Variants in DACH2 observed in about 807,000 individuals in gnomAD.
The protein encoded by DACH2 is dachshund family transcription factor 2.
In DACH2, 17 loss-of-function variants were observed where a neutral mutation model predicts 35.8. The observed-to-expected ratio is 0.48, with a 90% CI of 0.33 to 0.71. The LOEUF (loss-of-function observed/expected upper bound fraction) is 0.71. Ranked by LOEUF, DACH2 falls within the 30% of genes least tolerant of loss-of-function variation. The pLI is 0.02. For missense variants in DACH2, 469 were observed against 472.7 expected (o/e 0.99, Z 0.07); for synonymous variants, 195 against 177.3 (o/e 1.10, Z -0.79).
chrX:86,519,821 T>G (rs2038525963), intron 3 of DACH2, among the ~76,000 whole-genome samples: 1 of 110,886 alleles, frequency 9.0e-6, no homozygotes. Flanking sequence ...GCCTATGTAT[T>G]TTATTAAATT....
chrX:86,526,949 A>G (rs946976250), intron 3 of DACH2, among the ~76,000 whole-genome samples: 1 of 110,516 alleles, frequency 9.0e-6, no homozygotes, highest in African/African-American at 3.3e-5. Context: ...AGTAATATAG[A>G]AAACCCTTTC....
intron 1 of DACH2, among the ~76,000 whole-genome samples, chrX:86,375,005 TC>T (rs1475330123): frequency 9.1e-6 from 1 of 110,339 alleles, no homozygotes; most frequent in African/African-American, 3.3e-5. Context: ...ACTTAGAATG[TC>T]AAAAACAAAA....
chrX:86,399,957 A>G (rs1300713454), intron 2 of DACH2, among the ~76,000 whole-genome samples: 1 of 111,697 alleles, frequency 9.0e-6, no homozygotes, highest in Non-Finnish European at 1.9e-5. Flanking sequence ...GTTCTCCTGG[A>G]TAATATCCTG....
At chrX:86,328,587 C>G (rs2035157208) in intron 1 of DACH2, among the ~76,000 whole-genome samples, 1 of 111,225 alleles carries the variant, frequency 9.0e-6, no homozygotes, top group Non-Finnish European at 1.9e-5. Context: ...GAAAAAGCAA[C>G]AAAAAAAGAA....
At chrX:86,640,593 C>T (rs1360895693) in intron 3 of DACH2, among the ~76,000 whole-genome samples, 1 of 111,061 alleles carries the variant, frequency 9.0e-6, no homozygotes, top group Non-Finnish European at 1.9e-5. Flanking sequence ...TGCCTCTGAG[C>T]TGGGGAAGGA....
intron 2 of DACH2, among the ~76,000 whole-genome samples, chrX:86,466,346 T>G (rs904703451): frequency 4.5e-5 from 5 of 110,389 alleles, no homozygotes; most frequent in Non-Finnish European, 5.7e-5. Context: ...GAGATTTGGG[T>G]GGGGACACAG....
intron 3 of DACH2, among the ~76,000 whole-genome samples, chrX:86,521,102 G>A (rs2038547097): frequency 9.0e-6 from 1 of 111,568 alleles, no homozygotes; most frequent in African/African-American, 3.3e-5. Context: ...CTGGTGGTAA[G>A]GAATTCATTC....
At chrX:86,293,420 T>G (rs922018265) in intron 1 of DACH2, among the ~76,000 whole-genome samples, 81 of 108,729 alleles carry the variant, frequency 7.4e-4, no homozygotes, top group Non-Finnish European at 7.4e-4. Flanking sequence ...TTAGTCCATT[T>G]ACATTTAAAG....
rs73522026 is a variant in DACH2, at chrX:86,428,525, G to A, written c.527+51663G>A. 5.9e-3 allele frequency among the ~76,000 whole-genome samples: 661 copies of A among 111,823 alleles called. 9 individuals carry two copies. Among genetic ancestry groups the A allele is most frequent in the African/African-American group, 0.02 (625 of 30,880 alleles). ...CTATTATGATGTTTTGGGTTTAAGG[G>A]CTGATCTAATTCTACAAATAGAATT... On this transcript the variant is annotated intron_variant, in intron 2 of 11. Transcript: ENST00000373125.
At chrX:86,412,513 G>C (rs986157386) in intron 2 of DACH2, among the ~76,000 whole-genome samples, 2 of 111,695 alleles carry the variant, frequency 1.8e-5, no homozygotes, top group African/African-American at 6.5e-5. Context: ...AGCTGCTTCA[G>C]GATGATGGGG....
intron 1 of DACH2, among the ~76,000 whole-genome samples, chrX:86,179,617 A>C (rs1221291962): frequency 3.6e-5 from 4 of 112,103 alleles, no homozygotes; most frequent in Non-Finnish European, 7.5e-5. Flanking sequence ...ATCTCTGATG[A>C]CAAGTTTTTT....
intron 3 of DACH2, among the ~76,000 whole-genome samples, chrX:86,536,660 A>C (rs905407689): frequency 9.2e-6 from 1 of 108,652 alleles, no homozygotes; most frequent in Non-Finnish European, 1.9e-5. Flanking sequence ...TCCACCAATG[A>C]CCTGGAATTC....
chrX:86,327,110 C>CT (rs1026181123), intron 1 of DACH2, among the ~76,000 whole-genome samples: 4 of 111,905 alleles, frequency 3.6e-5, no homozygotes, highest in Non-Finnish European at 5.6e-5. Flanking sequence ...TATACAATTA[C>CT]TTTTTTAAAA....
intron 1 of DACH2, chrX:86,262,975 C>A (rs2033653255): frequency 1.3e-6 from 1 of 753,042 alleles, no homozygotes; most frequent in Non-Finnish European, 1.6e-6. Context: ...GACATATGCA[C>A]CCAAAGCACT....
intron 6 of DACH2, among the ~76,000 whole-genome samples, chrX:86,728,822 G>C (rs1483022712): frequency 8.8e-6 from 1 of 113,124 alleles, no homozygotes; most frequent in African/African-American, 3.2e-5. Context: ...GAGTGAATGA[G>C]ACTTAGCAGC....
intron 2 of DACH2, among the ~76,000 whole-genome samples, chrX:86,415,728 T>C (rs2036693691): frequency 8.9e-6 from 1 of 112,252 alleles, no homozygotes; most frequent in African/African-American, 3.2e-5. Flanking sequence ...ACATTTTATC[T>C]GGAGAAAATA....
chrX:86,667,562 A>G (rs1164870790), intron 4 of DACH2, among the ~76,000 whole-genome samples: 2 of 83,566 alleles, frequency 2.4e-5, no homozygotes, highest in Non-Finnish European at 4.6e-5. Flanking sequence ...GAAAGAAAGA[A>G]AGAAAGAAAG....
intron 6 of DACH2, among the ~76,000 whole-genome samples, chrX:86,727,980 G>C (rs1453283492): frequency 2.7e-5 from 3 of 112,198 alleles, no homozygotes; most frequent in African/African-American, 6.5e-5. Context: ...ATGGGCAGAG[G>C]TTGGAAGAAT....
intron 3 of DACH2, among the ~76,000 whole-genome samples, chrX:86,547,622 CAG>C (rs1486460327): frequency 1.8e-5 from 2 of 109,788 alleles, no homozygotes; most frequent in African/African-American, 3.3e-5. Flanking sequence ...TTATTTGATT[CAG>C]AGTGTCACTT....
Sources: allele counts gnomAD v4.1 joint callset (sites outside exome capture counted in the v4.1 genomes callset), GRCh38; gene constraint gnomAD v4.1.1; transcripts MANE v1.5; gene names NCBI Gene and HGNC (gene_info 2026-07-23, HGNC 2026-07-21).